SPECC1: variants seen among roughly 807,000 people sequenced by gnomAD.
SPECC1 encodes sperm antigen with calponin homology and coiled-coil domains 1.
A neutral mutation model predicts 104.1 loss-of-function variants in SPECC1; 62 were observed. The ratio of observed to expected loss-of-function variants is 0.60; its 90% CI spans 0.49 to 0.74. SPECC1 has a LOEUF of 0.74. Among genes scored for constraint, SPECC1 ranks in the 30% least tolerant of loss-of-function variants. The pLI is 0.00. For missense variants in SPECC1, 1,306 were observed against 1,310.5 expected (o/e 1.00, Z 0.05); for synonymous variants, 513 against 501.6 (o/e 1.02, Z -0.30).
At chr17:20,212,353 A>C (rs913960145) in intron 4 of SPECC1, among the ~76,000 whole-genome samples, 21 of 152,166 alleles carry the variant, frequency 1.4e-4, no homozygotes, top group African/African-American at 4.6e-4. Flanking sequence ...GCCCGTTTTC[A>C]TGCTGCTGAT....
At position 20,120,257 on chromosome 17, in the gene SPECC1, G is replaced by A. The variant is rs566553378; in HGVS notation, c.283+9695G>A. Reference sequence around the variant, plus strand: ...AAAAATTAGCCAAGTGTTGTGGCGGGTGCCTGTAATCCCAGCTACTTGGGA... The same window carrying A: ...AAAAATTAGCCAAGTGTTGTGGCGGATGCCTGTAATCCCAGCTACTTGGGA... On this transcript the variant is annotated intron_variant, in intron 3 of 14. Coordinates refer to ENST00000395527, the MANE Select transcript of SPECC1 (RefSeq NM_001243439.2). 3.9e-4 allele frequency among the ~76,000 whole-genome samples: 60 copies of A among 152,112 alleles called. 1 individual carries two copies. In the South Asian group the frequency reaches 0.011, roughly 28 times the overall value.
At chr17:20,251,074 A>G (rs985464172) in intron 9 of SPECC1, among the ~76,000 whole-genome samples, 27 of 151,968 alleles carry the variant, frequency 1.8e-4, no homozygotes, top group African/African-American at 6.3e-4. Flanking sequence ...TAAAAATACA[A>G]AAATTAGCTG....
intron 14 of SPECC1, among the ~76,000 whole-genome samples, chr17:20,311,310 T>C (rs2041924517): frequency 1.3e-5 from 2 of 152,148 alleles, no homozygotes; most frequent in Non-Finnish European, 2.9e-5. Context: ...TGTCTCCCTT[T>C]CCAATCTGCG....
intron 3 of SPECC1, chr17:20,112,935 GAGCTAGATTTGAAGAGA>G: frequency 1.4e-6 from 2 of 1,478,238 alleles, no homozygotes; most frequent in East Asian, 4.5e-5. Flanking sequence ...AACATGAAGG[GAGCTAGATTTGAAGAGA>G]TGCTAACACC....
chr17:20,122,009 A>G (rs141147675), intron 3 of SPECC1, among the ~76,000 whole-genome samples: 89 of 152,350 alleles, frequency 5.8e-4, no homozygotes, highest in African/African-American at 2.0e-3. Context: ...CTGCCTTCAT[A>G]AAGGTACATG....
At chr17:20,146,551 C>T (rs2031478922) in intron 3 of SPECC1, among the ~76,000 whole-genome samples, 1 of 152,108 alleles carries the variant, frequency 6.6e-6, no homozygotes, top group Non-Finnish European at 1.5e-5. Flanking sequence ...GTTTTCAGCT[C>T]ATTTGGGTAG....
rs577392855 is a variant in SPECC1, at chr17:20,210,724, A to G, written c.1863+4812A>G. On this transcript the variant is annotated intron_variant, in intron 4 of 14. Transcript: ENST00000395527. ...CTTTTCCCACAAAGTACTCACAGTG[A>G]TCTGATCATGTAGCGCCTTCCGGTG... Among the ~76,000 whole-genome samples the G allele has an allele frequency of 1.3e-4, 20 of 152,304 alleles. 1 individual carries two copies. In the South Asian group the frequency reaches 3.9e-3, roughly 30 times the overall value.
At chr17:20,079,809 G>A (rs189744181) in intron 1 of SPECC1, among the ~76,000 whole-genome samples, 3 of 152,278 alleles carry the variant, frequency 2.0e-5, no homozygotes, top group East Asian at 1.9e-4. Flanking sequence ...TGGTGGCTGC[G>A]AAGCTGCCAT....
intron 1 of SPECC1, among the ~76,000 whole-genome samples, chr17:20,027,590 G>A (rs2044645762): frequency 6.6e-6 from 1 of 152,110 alleles, no homozygotes; most frequent in African/African-American, 2.4e-5. Context: ...TTCAGTCTGA[G>A]TTGATTTTTC....
chr17:20,079,684 T>A (rs1386397127), intron 1 of SPECC1, among the ~76,000 whole-genome samples: 1 of 152,120 alleles, frequency 6.6e-6, no homozygotes, highest in Non-Finnish European at 1.5e-5. Flanking sequence ...GAGCTGGCAG[T>A]GTGCTAGGCC....
At chr17:20,082,318 C>T (rs1442248692) in intron 1 of SPECC1, among the ~76,000 whole-genome samples, 1 of 152,140 alleles carries the variant, frequency 6.6e-6, no homozygotes, top group Non-Finnish European at 1.5e-5. Flanking sequence ...TCTCACAGTA[C>T]TGGAAGCAGA....
chr17:20,182,321 G>C (rs1268655654), intron 3 of SPECC1, among the ~76,000 whole-genome samples: 1 of 151,968 alleles, frequency 6.6e-6, no homozygotes, highest in African/African-American at 2.4e-5. Flanking sequence ...TTGCCGTGTT[G>C]CTCAGGCTAG....
At chr17:20,157,867 T>C (rs2032745228) in intron 3 of SPECC1, among the ~76,000 whole-genome samples, 1 of 152,230 alleles carries the variant, frequency 6.6e-6, no homozygotes, top group African/African-American at 2.4e-5. Context: ...TCTCACTATG[T>C]TGCCCAGACT....
intron 1 of SPECC1, among the ~76,000 whole-genome samples, chr17:20,060,403 T>A (rs1038664045): frequency 2.0e-5 from 3 of 152,118 alleles, no homozygotes; most frequent in African/African-American, 4.8e-5. Flanking sequence ...TCCCAATGCT[T>A]TGGGAAGCTG....
chr17:20,038,403 CTTTT>C (rs10718870), intron 1 of SPECC1, among the ~76,000 whole-genome samples: 2 of 99,332 alleles, frequency 2.0e-5, no homozygotes, highest in Admixed American at 1.1e-4. Flanking sequence ...TTTTGATATT[CTTTT>C]TTTTTTTTTT....
intron 1 of SPECC1, among the ~76,000 whole-genome samples, chr17:20,051,718 A>G (rs1196581590): frequency 6.6e-6 from 1 of 152,000 alleles, no homozygotes; most frequent in African/African-American, 2.4e-5. Flanking sequence ...CTAGTGGGGG[A>G]GATCAGCAAT....
At chr17:20,199,882 C>T (rs931240652) in intron 3 of SPECC1, among the ~76,000 whole-genome samples, 2 of 152,168 alleles carry the variant, frequency 1.3e-5, no homozygotes, top group Admixed American at 6.5e-5. Context: ...CTCCGCCTCC[C>T]GGCTTTAAGT....
chr17:20,313,196 A>G (rs2041976156), intron 14 of SPECC1, among the ~76,000 whole-genome samples: 1 of 152,242 alleles, frequency 6.6e-6, no homozygotes, highest in Admixed American at 6.5e-5. Flanking sequence ...ATCAGTCAGT[A>G]AAAACCAGCA....
intron 3 of SPECC1, chr17:20,112,385 A>T: frequency 2.6e-6 from 2 of 758,984 alleles, no homozygotes; most frequent in South Asian, 2.7e-5. Context: ...AATGGCAATA[A>T]AGAATTCTAA....
Sources: allele counts gnomAD v4.1 joint callset (sites outside exome capture counted in the v4.1 genomes callset), GRCh38; gene constraint gnomAD v4.1.1; transcripts MANE v1.5; gene names NCBI Gene and HGNC (gene_info 2026-07-23, HGNC 2026-07-21).